Variants in PPP1R12A observed in about 807,000 individuals in gnomAD.
PPP1R12A encodes myosin binding subunit.
Under a neutral mutation model 139.6 loss-of-function variants are expected in PPP1R12A, and 19 were observed. The observed-to-expected ratio is 0.14, with a 90% CI of 0.09 to 0.20. The LOEUF (loss-of-function observed/expected upper bound fraction) is 0.20. PPP1R12A is among the 10% of genes least tolerant of loss of function. The pLI is 1.00. For missense variants in PPP1R12A, 925 were observed against 1,211.5 expected (o/e 0.76, Z 3.51); for synonymous variants, 427 against 420.6 (o/e 1.02, Z -0.19).
chr12:79,843,006 T>C (rs1020407656), intron 3 of PPP1R12A, among the ~76,000 whole-genome samples: 13 of 152,216 alleles, frequency 8.5e-5, no homozygotes, highest in Non-Finnish European at 1.5e-4. Context: ...TCTATGAATT[T>C]GACTATTCTA....
chr12:79,794,923 T>C (rs1466308233), intron 18 of PPP1R12A, among the ~76,000 whole-genome samples: 1 of 152,074 alleles, frequency 6.6e-6, no homozygotes, highest in African/African-American at 2.4e-5. Context: ...ACTACGGTGT[T>C]AGAAATCAGG....
intron 12 of PPP1R12A, 34 bp downstream of exon 12, chr12:79,807,192 A>T (rs1873942730): frequency 8.3e-7 from 1 of 1,204,428 alleles, no homozygotes; most frequent in Non-Finnish European, 1.2e-6. Context: ...TTATAAATGA[A>T]TACATAAAAA....
At chr12:79,832,589 A>T (rs1877561398) in intron 3 of PPP1R12A, 98 bp from the exon 4 acceptor site, 7 of 1,261,936 alleles carry the variant, frequency 5.5e-6, no homozygotes, top group Non-Finnish European at 7.4e-6. Flanking sequence ...AATAAAATTA[A>T]AAGTGAAAGT....
At chr12:79,880,970 T>C (rs942210970) in intron 1 of PPP1R12A, among the ~76,000 whole-genome samples, 1 of 152,170 alleles carries the variant, frequency 6.6e-6, no homozygotes, top group African/African-American at 2.4e-5. Flanking sequence ...ATCTGTGATG[T>C]TACTATTTCA....
intron 10 of PPP1R12A, among the ~76,000 whole-genome samples, 195 bp downstream of exon 10, chr12:79,809,600 G>A (rs891435913): frequency 1.1e-4 from 16 of 152,022 alleles, no homozygotes; most frequent in Non-Finnish European, 2.1e-4. Flanking sequence ...CATAATTTAT[G>A]TTTTAGGCAA....
rs1373254499 is a variant in PPP1R12A, at chr12:79,796,790, T to C, written c.2453A>G (p.Asn818Ser). The change falls in exon 17 of 25, where the codon AAT becomes AGT. Residue 818 changes from asparagine (N) to serine (S), a missense_variant. By Grantham distance (46) the Asn-to-Ser change is conservative. Coordinates refer to ENST00000450142, the MANE Select transcript of PPP1R12A (RefSeq NM_002480.3). The stretch of plus-strand genomic sequence containing the variant: ...AAATTTGGTATTCTTACCTCTTTCA[T>C]TTTCTTTTGTTATTCCTCTGGAGTA... Reference protein sequence around the residue: ...SAYSRGITKENEREGEKREEE... With the variant: ...SAYSRGITKESEREGEKREEE... 6.2e-7 allele frequency: 1 copy of C among 1,603,368 alleles called. No individual in the cohort carries two copies. Among genetic ancestry groups the C allele is most frequent in the East Asian group, 2.2e-5 (1 of 44,676 alleles).
At chr12:79,808,333 T>C in intron 11 of PPP1R12A, 150 bp downstream of exon 11, 1 of 567,338 alleles carries the variant, frequency 1.8e-6, no homozygotes, top group South Asian at 2.6e-5. Context: ...TCCTCAGGAC[T>C]ATGTACCTGG....
chr12:79,925,560 T>C (rs1029432068), intron 1 of PPP1R12A, among the ~76,000 whole-genome samples: 2 of 152,228 alleles, frequency 1.3e-5, no homozygotes, highest in Non-Finnish European at 2.9e-5. Context: ...AACATTTAAA[T>C]AGACTACTAA....
chr12:79,858,680 A>AAAAT (rs1231262128), intron 2 of PPP1R12A, among the ~76,000 whole-genome samples: 2 of 152,214 alleles, frequency 1.3e-5, no homozygotes, highest in Admixed American at 1.3e-4. Context: ...CAAAGCACCA[A>AAAAT]AAATAACAGC....
chr12:79,921,118 A>G (rs1887402119), intron 1 of PPP1R12A, among the ~76,000 whole-genome samples: 1 of 152,234 alleles, frequency 6.6e-6, no homozygotes, highest in Non-Finnish European at 1.5e-5. Context: ...TGTCTGGCAC[A>G]GAAGAGACCT....
intron 22 of PPP1R12A, among the ~76,000 whole-genome samples, chr12:79,785,742 C>CT (rs1231169023): frequency 1.6e-4 from 24 of 151,142 alleles, no homozygotes; most frequent in East Asian, 1.9e-4. Flanking sequence ...GATCACAAAG[C>CT]TTTTTTTTTG....
chr12:79,802,983 T>C (rs1030445409), intron 14 of PPP1R12A, among the ~76,000 whole-genome samples: 4 of 152,130 alleles, frequency 2.6e-5, no homozygotes, highest in Admixed American at 1.3e-4. Flanking sequence ...ACCACTACAC[T>C]CTCTCCCTAT....
At chr12:79,902,987 C>A (rs1449161895) in intron 1 of PPP1R12A, among the ~76,000 whole-genome samples, 2 of 151,990 alleles carry the variant, frequency 1.3e-5, no homozygotes, top group Non-Finnish European at 1.5e-5. Flanking sequence ...AAAAAAAATT[C>A]ACACGTGTAC....
intron 1 of PPP1R12A, among the ~76,000 whole-genome samples, chr12:79,909,494 T>C (rs1438378275): frequency 6.6e-6 from 1 of 152,054 alleles, no homozygotes; most frequent in African/African-American, 2.4e-5. Flanking sequence ...CCCAGCACTT[T>C]GGGAGGCCAA....
intron 4 of PPP1R12A, among the ~76,000 whole-genome samples, chr12:79,829,233 C>T (rs901398548): frequency 2.0e-5 from 3 of 152,134 alleles, no homozygotes; most frequent in Non-Finnish European, 4.4e-5. Flanking sequence ...CTGCACATAG[C>T]ATAGCCCCAC....
At chr12:79,905,954 T>C (rs1450388657) in intron 1 of PPP1R12A, among the ~76,000 whole-genome samples, 3 of 152,208 alleles carry the variant, frequency 2.0e-5, no homozygotes, top group Non-Finnish European at 2.9e-5. Flanking sequence ...AATTTGGTAA[T>C]GTTTATAATG....
intron 2 of PPP1R12A, among the ~76,000 whole-genome samples, chr12:79,845,729 A>T (rs1439324430): frequency 6.6e-6 from 1 of 151,962 alleles, no homozygotes; most frequent in African/African-American, 2.4e-5. Context: ...CCAGCTACTC[A>T]GGAGGCTGAG....
At chr12:79,811,782 A>G (rs1004102103) in intron 9 of PPP1R12A, among the ~76,000 whole-genome samples, 1 of 152,178 alleles carries the variant, frequency 6.6e-6, no homozygotes, top group Non-Finnish European at 1.5e-5. Context: ...AAAACAGGTA[A>G]TGGGCTAGGT....
chr12:79,853,591 CAG>C (rs1222690754), intron 2 of PPP1R12A, among the ~76,000 whole-genome samples: 3 of 152,178 alleles, frequency 2.0e-5, no homozygotes, highest in African/African-American at 7.2e-5. Flanking sequence ...AATTCACAAT[CAG>C]GGGAAGTATT....
Sources: gnomAD v4.1 joint callset for allele counts (sites outside exome capture counted in the v4.1 genomes callset) on GRCh38, gnomAD v4.1.1 for gene constraint, MANE v1.5 for transcripts, NCBI Gene and HGNC (gene_info 2026-07-23, HGNC 2026-07-21) for gene names.